Variants in MTDH observed in about 807,000 individuals in gnomAD.
The protein encoded by MTDH is metadherin, also known as protein LYRIC.
Under a neutral mutation model 72.7 loss-of-function variants are expected in MTDH, and 34 were observed. The ratio of observed to expected loss-of-function variants is 0.47; its 90% confidence interval spans 0.36 to 0.62. The LOEUF is 0.62. Ranked by LOEUF, MTDH falls within the 20% of genes least tolerant of loss-of-function variation. MTDH has a pLI of 0.00. For missense variants in MTDH, 677 were observed against 699.4 expected (o/e 0.97, Z 0.36); for synonymous variants, 266 against 268.9 (o/e 0.99, Z 0.10).
At chr8:97,672,817 A>G (rs1812682467) in intron 2 of MTDH, among the ~76,000 whole-genome samples, 1 of 152,242 alleles carries the variant, frequency 6.6e-6, no homozygotes, top group Non-Finnish European at 1.5e-5. Context: ...AAAGCTAGAT[A>G]AAAGGCGTTC....
intron 8 of MTDH, among the ~76,000 whole-genome samples, 183 bp downstream of exon 8, chr8:97,706,933 A>T (rs1563561534): frequency 6.6e-6 from 1 of 152,132 alleles, no homozygotes; most frequent in South Asian, 2.1e-4. Flanking sequence ...AATAAAATAA[A>T]GCAACTGAAG....
Position 97,706,691 on chromosome 8 carries a change from G to A in MTDH, c.1213G>A (p.Val405Ile), listed in dbSNP as rs1442812035. 3.1e-6 allele frequency: 5 copies of A among 1,613,836 alleles called. No homozygotes were observed. The African/African-American group carries it at 5.3e-5, about 17-fold the overall frequency. The change falls in exon 8 of 12, where the codon GTA (valine) becomes ATA (isoleucine). Residue 405 changes from valine (V) to isoleucine (I), a missense_variant. Val to Ile is a conservative substitution (Grantham distance 29, BLOSUM62 3). Around this residue, in one of 3 missense-constraint regions of MTDH, gnomAD observed 201 missense variants for 204.5 expected, o/e 0.98. Transcript: ENST00000336273. The part of the protein sequence containing the change: ...NAPAEEWGNW[V>I]DEERASLLKS... The stretch of plus-strand genomic sequence containing the variant: ...ACCAGCAGAAGAGTGGGGCAATTGG[G>A]TAGACGAAGAAAGAGCTTCACTTCT...
chr8:97,657,304 T>C (rs936542581), intron 1 of MTDH, among the ~76,000 whole-genome samples: 5 of 152,178 alleles, frequency 3.3e-5, no homozygotes, highest in African/African-American at 4.8e-5. Flanking sequence ...TTGAAAGATA[T>C]CTTTGGTCTA....
chr8:97,647,162 T>C (rs1811596573), intron 1 of MTDH, among the ~76,000 whole-genome samples: 1 of 152,146 alleles, frequency 6.6e-6, no homozygotes, highest in African/African-American at 2.4e-5. Context: ...TGAAAAGGCA[T>C]ACAATATGGG....
chr8:97,688,147 A>G (rs910696046), intron 4 of MTDH, among the ~76,000 whole-genome samples: 1 of 152,172 alleles, frequency 6.6e-6, no homozygotes, highest in African/African-American at 2.4e-5. Flanking sequence ...AGATGTTCAT[A>G]CTATCCAATA....
At chr8:97,671,218 C>T (rs552659613) in intron 2 of MTDH, among the ~76,000 whole-genome samples, 6 of 152,082 alleles carry the variant, frequency 3.9e-5, no homozygotes, top group South Asian at 2.1e-4. Flanking sequence ...CCTCGTGTCT[C>T]GGCCTCCCAA....
rs1255933930 is a variant in MTDH at position 97,644,383 on chromosome 8, A to C, written c.-124A>C. ...GCGGCCGATCCCCGGCTCCGGCGCG[A>C]GGGACGGCCGCGATGCGCTCGGCCT... On this transcript the variant is annotated 5_prime_UTR_variant, in exon 1 of 12. Transcript: ENST00000336273. The C allele has an allele frequency of 1.5e-6, 2 of 1,315,866 alleles. No individual in the cohort carries two copies. The highest frequency in any genetic ancestry group is 2.0e-6 in the Non-Finnish European group (2 of 999,710). 81.5% of individuals were successfully genotyped at this position (1,315,866 alleles called of 1,614,324 possible).
chr8:97,713,776 T>G lies in MTDH; in HGVS notation c.1380+7T>G. The G allele has an allele frequency of 6.6e-7, 1 of 1,522,104 alleles. No homozygotes were observed. 94.3% of individuals were successfully genotyped at this position (1,522,104 alleles called of 1,614,324 possible). ...AGATAACTCTACTGCACAGGTAAAA[T>G]GTCAGAACAACAAGCATTCATTAAG... On this transcript the variant is annotated splice_region_variant and intron_variant, in intron 9 of 11. Transcript: ENST00000336273.
chr8:97,720,021 T>G (rs2131082992), intron 10 of MTDH, among the ~76,000 whole-genome samples: 1 of 152,260 alleles, frequency 6.6e-6, no homozygotes, highest in Admixed American at 6.5e-5. Flanking sequence ...GTGTGGTGGC[T>G]CACGCCTGTA....
chr8:97,698,592 C>T (rs1401114271), intron 6 of MTDH, among the ~76,000 whole-genome samples: 1 of 152,216 alleles, frequency 6.6e-6, no homozygotes, highest in Non-Finnish European at 1.5e-5. Context: ...TGCACTTGAA[C>T]TTAGTCTCTA....
intron 2 of MTDH, among the ~76,000 whole-genome samples, chr8:97,672,124 C>G (rs1335134129): frequency 6.6e-6 from 1 of 152,134 alleles, no homozygotes; most frequent in African/African-American, 2.4e-5. Flanking sequence ...GGTTGGCAAA[C>G]CATGGCCAAA....
intron 7 of MTDH, among the ~76,000 whole-genome samples, chr8:97,700,097 A>T (rs151229153): frequency 6.6e-6 from 1 of 152,268 alleles, no homozygotes; most frequent in African/African-American, 2.4e-5. Context: ...TAGTATTTCT[A>T]GTTTTTAAAT....
At chr8:97,720,669 A>G (rs193137070) in intron 10 of MTDH, among the ~76,000 whole-genome samples, 193 of 141,672 alleles carry the variant, frequency 1.4e-3, no homozygotes, top group African/African-American at 4.9e-3. Context: ...TTTTTGAGAC[A>G]AGAGTCTTGC....
chr8:97,690,068 C>T (rs1221125613), intron 5 of MTDH, among the ~76,000 whole-genome samples: 1 of 150,628 alleles, frequency 6.6e-6, no homozygotes, highest in Non-Finnish European at 1.5e-5. Flanking sequence ...AATCTCGGCT[C>T]ACTGCAACCT....
In MTDH at chr8:97,659,142, C is replaced by CA. The variant is rs11346137; in HGVS notation, c.382-1916dup. Among the ~76,000 whole-genome samples the CA allele has an allele frequency of 2.7e-3, 339 of 125,128 alleles. 2 individuals carry two copies. The highest frequency in any genetic ancestry group is 6.3e-3 in the Admixed American group (75 of 11,892). The allele number at this position is 125,128 out of a possible 152,430, so 82.1% of individuals were successfully genotyped here. On this transcript the variant is annotated intron_variant, in intron 1 of 11. Transcript: ENST00000336273. The stretch of plus-strand genomic sequence containing the variant: ...TGGGCAACAGAGCGAGACTGCGTCT[C>CA]AAAAAAAAAAAAAATGATGATATTA...
In MTDH at chr8:97,689,066, CA is replaced by C. The variant is rs771438753; in HGVS notation, c.776del (p.Asn259ThrfsTer17). The part of the protein sequence containing the change: ...GDSHLNVQVS[N>X]FKSGKGDSTL... ...ATTCTCATCTAAATGTTCAAGTTAG[CA>C]ACTTTAAATCTGGAAAAGGAGATTC... is the stretch of plus-strand genomic sequence containing the variant. On this transcript the variant is annotated frameshift_variant, in exon 5 of 12. Transcript: ENST00000336273. LOFTEE classifies it high-confidence loss of function. The C allele has an allele frequency of 1.3e-6, 2 of 1,583,088 alleles. No homozygotes were observed. The highest frequency in any genetic ancestry group is 1.7e-6 in the Non-Finnish European group (2 of 1,159,428).
At chr8:97,684,242 T>C (rs1313571731) in intron 2 of MTDH, among the ~76,000 whole-genome samples, 1 of 152,160 alleles carries the variant, frequency 6.6e-6, no homozygotes, top group African/African-American at 2.4e-5. Context: ...CATACTATCT[T>C]ATTGTGTTGC....
At chr8:97,679,632 A>G (rs1363837259) in intron 2 of MTDH, among the ~76,000 whole-genome samples, 3 of 152,228 alleles carry the variant, frequency 2.0e-5, no homozygotes, top group African/African-American at 7.2e-5. Context: ...AGAATGAAGC[A>G]TGTGCATTGA....
At chr8:97,666,333 T>C (rs1812385240) in intron 2 of MTDH, among the ~76,000 whole-genome samples, 2 of 152,214 alleles carry the variant, frequency 1.3e-5, no homozygotes, top group South Asian at 4.1e-4. Flanking sequence ...TACAAAATAT[T>C]TGTACAAAAC....
Sources: gnomAD v4.1 joint callset for allele counts (sites outside exome capture counted in the v4.1 genomes callset) on GRCh38, gnomAD v4.1.1 for gene constraint, gnomAD v4.1.1 regional missense constraint, MANE v1.5 for transcripts, NCBI Gene and HGNC (gene_info 2026-07-23, HGNC 2026-07-21) for gene names.